The following MAGI2 variants were observed in gnomAD, a reference collection of about 807,000 sequenced individuals.
MAGI2 encodes membrane-associated guanylate kinase, WW and PDZ domain-containing protein 2.
A neutral mutation model predicts 133.3 loss-of-function variants in MAGI2; 35 were observed. The observed-to-expected ratio is 0.26, with a 90% confidence interval of 0.20 to 0.35. The LOEUF (loss-of-function observed/expected upper bound fraction) is 0.35. Ranked by LOEUF, MAGI2 falls within the 10% of genes least tolerant of loss-of-function variation. The probability of loss-of-function intolerance (pLI) is 1.00; values close to 1 mark genes in which losing one functional copy is unlikely to be tolerated. For missense variants in MAGI2, 1,636 were observed against 1,863.4 expected (o/e 0.88, Z 2.25); for synonymous variants, 729 against 710.6 (o/e 1.03, Z -0.41).
chr7:78,926,613 A>G (rs1395920843), intron 2 of MAGI2, among the ~76,000 whole-genome samples: 2 of 151,958 alleles, frequency 1.3e-5, no homozygotes, highest in African/African-American at 4.8e-5. Flanking sequence ...AGTTTGAAAA[A>G]CACTTCACAT....
At chr7:78,342,710 C>G (rs896403781) in intron 9 of MAGI2, among the ~76,000 whole-genome samples, 3 of 152,140 alleles carry the variant, frequency 2.0e-5, no homozygotes, top group African/African-American at 7.2e-5. Context: ...AACACAAAAA[C>G]AGAAAACCAA....
chr7:78,506,386 A>G (rs1441897660), intron 4 of MAGI2, among the ~76,000 whole-genome samples: 1 of 152,144 alleles, frequency 6.6e-6, no homozygotes, highest in Non-Finnish European at 1.5e-5. Flanking sequence ...TGGAAAAAAA[A>G]TAAACCTGAA....
intron 1 of MAGI2, among the ~76,000 whole-genome samples, chr7:79,392,123 C>T (rs1013408434): frequency 6.6e-6 from 1 of 152,072 alleles, no homozygotes; most frequent in Admixed American, 6.5e-5. Context: ...GCTCTCTGTT[C>T]CTGTGTTAGT....
intron 21 of MAGI2, among the ~76,000 whole-genome samples, chr7:78,070,092 C>T (rs1814326251): frequency 8.8e-6 from 1 of 114,274 alleles, no homozygotes; most frequent in African/African-American, 3.2e-5. Context: ...TCACTATAAA[C>T]ACACACACAC....
intron 20 of MAGI2, among the ~76,000 whole-genome samples, chr7:78,103,559 T>C (rs1243820837): frequency 2.0e-5 from 3 of 152,246 alleles, no homozygotes; most frequent in Admixed American, 6.5e-5. Context: ...TAGGTATGCA[T>C]TGACCTTTCT....
At chr7:78,888,014 T>C (rs1038443206) in intron 2 of MAGI2, among the ~76,000 whole-genome samples, 4 of 152,094 alleles carry the variant, frequency 2.6e-5, no homozygotes, top group East Asian at 1.9e-4. Context: ...ACCTGGAAAA[T>C]TGGGTCACTC....
At chr7:78,096,025 G>A (rs1180358117) in intron 20 of MAGI2, among the ~76,000 whole-genome samples, 1 of 152,130 alleles carries the variant, frequency 6.6e-6, no homozygotes, top group Admixed American at 6.6e-5. Flanking sequence ...GTCCTTATTA[G>A]CCAAATTGTA....
At position 78,787,135 on chromosome 7, in the gene MAGI2, A is replaced by AG. The variant is rs374852366; in HGVS notation, c.419-159897dup. Among the ~76,000 whole-genome samples the AG allele has an allele frequency of 3.9e-5, 6 of 152,066 alleles. No individual in the cohort carries two copies. The East Asian group carries it at 1.2e-3, about 29-fold the overall frequency. On this transcript the variant is annotated intron_variant, in intron 2 of 21. Transcript: ENST00000354212. ...GCTAATTTTTATATTTTTAGTAGAGAGGGGGTTTCACCATGTTGGCCAGGC... is the reference window on the plus strand; with the variant it reads ...GCTAATTTTTATATTTTTAGTAGAGAGGGGGGTTTCACCATGTTGGCCAGGC...
intron 13 of MAGI2, 32 bp downstream of exon 13, chr7:78,185,597 T>C: frequency 6.6e-7 from 1 of 1,519,038 alleles, no homozygotes; most frequent in Non-Finnish European, 9.0e-7. Context: ...GACGTTTTGT[T>C]CACAGAACTG....
chr7:79,145,467 C>T (rs1242051354), intron 1 of MAGI2, among the ~76,000 whole-genome samples: 3 of 151,872 alleles, frequency 2.0e-5, no homozygotes, highest in African/African-American at 7.3e-5. Flanking sequence ...AAACCACCTA[C>T]AACTAAACAA....
intron 1 of MAGI2, among the ~76,000 whole-genome samples, chr7:79,016,718 G>C (rs1328290858): frequency 6.6e-6 from 1 of 152,082 alleles, no homozygotes; most frequent in African/African-American, 2.4e-5. Flanking sequence ...CCCCAACAGT[G>C]CTGCCATTGC....
At chr7:79,064,982 T>C (rs570380480) in intron 1 of MAGI2, among the ~76,000 whole-genome samples, 1 of 152,220 alleles carries the variant, frequency 6.6e-6, no homozygotes, top group East Asian at 1.9e-4. Context: ...ACAAAACAGA[T>C]GAAACCTGGT....
chr7:79,020,230 G>T (rs1417092600), intron 1 of MAGI2, among the ~76,000 whole-genome samples: 1 of 152,176 alleles, frequency 6.6e-6, no homozygotes, highest in Non-Finnish European at 1.5e-5. Context: ...GAACTTGAGA[G>T]AGATGATTTA....
At chr7:78,274,579 G>A (rs1277452096) in intron 9 of MAGI2, among the ~76,000 whole-genome samples, 1 of 151,966 alleles carries the variant, frequency 6.6e-6, no homozygotes, top group Non-Finnish European at 1.5e-5. Context: ...GGGAGATGGG[G>A]GTTTTATCTA....
At position 78,195,001 on chromosome 7, in the gene MAGI2, C is replaced by T. The variant is rs144574076; in HGVS notation, c.2142G>A (p.Pro714=). 2.8e-3 allele frequency: 4,461 copies of T among 1,613,972 alleles called. 11 individuals are homozygous for T. The highest frequency in any genetic ancestry group is 3.4e-3 in the Non-Finnish European group (3,964 of 1,179,902). Residue 714 remains proline, a synonymous_variant, in exon 12 of 22, where the codon CCG becomes CCA. Coordinates refer to ENST00000354212, the MANE Select transcript of MAGI2 (RefSeq NM_012301.4). The part of the protein sequence containing the change: ...PQTSLSAPAI[P]QNLPFPPALH... ...GGGCAGGTGGGAAGGGCAGGTTCTG[C>T]GGTATGGCCGGAGCAGATAAACTCG... is the stretch of plus-strand genomic sequence containing the variant.
chr7:79,286,792 C>A (rs1243816735), intron 1 of MAGI2, among the ~76,000 whole-genome samples: 1 of 152,026 alleles, frequency 6.6e-6, no homozygotes, highest in African/African-American at 2.4e-5. Context: ...TCCCACCCCT[C>A]CATTAGCTTC....
chr7:78,971,537 C>A (rs1803783484), intron 2 of MAGI2, among the ~76,000 whole-genome samples: 1 of 151,940 alleles, frequency 6.6e-6, no homozygotes, highest in Non-Finnish European at 1.5e-5. Context: ...TTCACATAAA[C>A]AACAAATAAT....
intron 1 of MAGI2, among the ~76,000 whole-genome samples, chr7:79,043,827 C>T (rs966437633): frequency 2.0e-5 from 3 of 152,022 alleles, no homozygotes; most frequent in Non-Finnish European, 4.4e-5. Context: ...GAAACATAAA[C>T]ACTCCCAAGA....
chr7:78,519,347 G>A (rs909036781), intron 4 of MAGI2, among the ~76,000 whole-genome samples: 3 of 152,078 alleles, frequency 2.0e-5, no homozygotes, highest in Admixed American at 6.5e-5. Flanking sequence ...TGAACAGTGG[G>A]TGAAGGGCTG....
Sources: allele counts gnomAD v4.1 joint callset (sites outside exome capture counted in the v4.1 genomes callset), GRCh38; gene constraint gnomAD v4.1.1; transcripts MANE v1.5; gene names NCBI Gene and HGNC (gene_info 2026-07-23, HGNC 2026-07-21).